Variants in NSMCE2 observed in about 807,000 individuals in gnomAD.
The protein encoded by NSMCE2 is NSE2 SUMO ligase component of SMC5/6 complex, also known as E3 SUMO-protein ligase NSE2.
NSMCE2 carries 24 observed loss-of-function variants against 23.8 expected under a neutral mutation model. That is an observed-to-expected ratio of 1.01 (90% CI 0.73 to 1.42). NSMCE2 has a LOEUF of 1.42. Among genes scored for constraint, NSMCE2 ranks in the 40% most tolerant of loss-of-function variants. NSMCE2 has a pLI of 0.00. For missense variants in NSMCE2, 284 were observed against 296.5 expected (o/e 0.96, Z 0.31); for synonymous variants, 92 against 94.1 (o/e 0.98, Z 0.13).
chr8:125,175,745 C>G (rs1468007590), intron 4 of NSMCE2, among the ~76,000 whole-genome samples: 1 of 152,208 alleles, frequency 6.6e-6, no homozygotes, highest in Non-Finnish European at 1.5e-5. Context: ...GAGACTTTGA[C>G]TTTGCCCCGT....
At chr8:125,313,151 GAAGGAAGGAAAAA>G (rs1471723659) in intron 5 of NSMCE2, among the ~76,000 whole-genome samples, 25 of 142,978 alleles carry the variant, frequency 1.7e-4, no homozygotes, top group African/African-American at 6.0e-4. Context: ...AAGAAAGAAG[GAAGGAAGGAAAAA>G]AAGGAAGGAA....
intron 5 of NSMCE2, among the ~76,000 whole-genome samples, chr8:125,272,961 C>T (rs1186710400): frequency 6.6e-6 from 1 of 151,992 alleles, no homozygotes; most frequent in Non-Finnish European, 1.5e-5. Flanking sequence ...AAACCCCTCC[C>T]AAGAGGGAGC....
intron 4 of NSMCE2, among the ~76,000 whole-genome samples, chr8:125,170,415 T>TTTTTTTTTTTTA (rs1199459816): frequency 7.5e-5 from 7 of 93,118 alleles, no homozygotes; most frequent in East Asian, 3.3e-4. Context: ...TTTTTTTTTT[T>TTTTTTTTTTTTA]AAGACAGAGT....
rs1817677275 is a variant in NSMCE2 at position 125,091,954 on chromosome 8, A to T, written c.-115A>T. The T allele has an allele frequency of 6.6e-6, 1 of 152,428 alleles. No individual in the cohort carries two copies. The highest frequency in any genetic ancestry group is 2.4e-5 in the African/African-American group (1 of 41,432). The allele number at this position is 152,428 out of a possible 1,614,324, so 9.4% of individuals were successfully genotyped here. On this transcript the variant is annotated 5_prime_UTR_variant, in exon 1 of 8. Transcript: ENST00000287437. ...CCACCAGACGGAGACAGCTTGGACT[A>T]CCAGGTAGGGAAGAAGCGGGGGACG...
rs933633376 is a variant in NSMCE2, at chr8:125,131,389, G to A, written c.158-19782G>A. On this transcript the variant is annotated intron_variant, in intron 3 of 7. Transcript: ENST00000287437. ...TAGGTCAGCAATCAGGGTTAAAGAT[G>A]TTCTGCTTTCCGAAGTCAGAATTCA... 5.1e-4 allele frequency among the ~76,000 whole-genome samples: 77 copies of A among 152,282 alleles called. 1 individual carries two copies. Among genetic ancestry groups the A allele is most frequent in the African/African-American group, 1.8e-3 (74 of 41,552 alleles).
chr8:125,284,587 T>C (rs1298235087), intron 5 of NSMCE2, among the ~76,000 whole-genome samples: 4 of 152,240 alleles, frequency 2.6e-5, no homozygotes, highest in African/African-American at 7.2e-5. Flanking sequence ...TTCAAAGATA[T>C]GCCATTCAGA....
intron 5 of NSMCE2, among the ~76,000 whole-genome samples, chr8:125,189,171 C>T (rs957708635): frequency 2.0e-5 from 3 of 152,210 alleles, no homozygotes; most frequent in African/African-American, 7.2e-5. Context: ...AAGGACCTCT[C>T]AGCAAGGCAA....
At chr8:125,111,675 C>T (rs903370326) in intron 3 of NSMCE2, among the ~76,000 whole-genome samples, 5 of 152,080 alleles carry the variant, frequency 3.3e-5, no homozygotes, top group Non-Finnish European at 7.4e-5. Context: ...TGGTGTGTGC[C>T]TATAATCCCA....
intron 5 of NSMCE2, among the ~76,000 whole-genome samples, chr8:125,218,373 A>G (rs913932918): frequency 1.4e-4 from 21 of 151,470 alleles, no homozygotes; most frequent in African/African-American, 4.9e-4. Context: ...AAAACTCCAC[A>G]TGCATTTGGG....
intron 7 of NSMCE2, among the ~76,000 whole-genome samples, chr8:125,360,329 G>T (rs184049645): frequency 1.2e-3 from 184 of 152,236 alleles, no homozygotes; most frequent in African/African-American, 4.3e-3. Context: ...CAGTATAGAC[G>T]AGTCAACCCG....
At chr8:125,249,025 G>A (rs1327912377) in intron 5 of NSMCE2, among the ~76,000 whole-genome samples, 1 of 152,148 alleles carries the variant, frequency 6.6e-6, no homozygotes. Context: ...CAAAAAATTA[G>A]CCGAGTATGG....
chr8:125,182,228 A>G lies in NSMCE2; in HGVS notation c.390A>G (p.Lys130=). The G allele has an allele frequency of 1.2e-6, 2 of 1,607,332 alleles. No homozygotes were observed. ...FQNNEKFVQF[K]QQLKELKKQC... is the part of the protein sequence containing the mutation. ...ATAATGAAAAATTTGTACAGTTTAA[A>G]CAACAGCTGAAAGAACTAAAGAAGC... Residue 130 remains lysine, a synonymous_variant, in exon 5 of 8, where the codon AAA becomes AAG. Transcript: ENST00000287437.
chr8:125,093,932 G>C (rs1002230103), intron 1 of NSMCE2, among the ~76,000 whole-genome samples: 1 of 151,986 alleles, frequency 6.6e-6, no homozygotes, highest in African/African-American at 2.4e-5. Flanking sequence ...GAGGGTCTAG[G>C]ACAATAGGTG....
intron 5 of NSMCE2, among the ~76,000 whole-genome samples, chr8:125,340,160 G>A (rs560256782): frequency 2.0e-5 from 3 of 151,534 alleles, no homozygotes; most frequent in African/African-American, 7.3e-5. Flanking sequence ...GACTACAGGC[G>A]CCCGCCATCA....
chr8:125,256,118 A>G lies in NSMCE2; in HGVS notation c.418+73862A>G, dbSNP rs371754515. 4.1e-4 allele frequency among the ~76,000 whole-genome samples: 62 copies of G among 152,144 alleles called. 1 individual carries two copies. The highest frequency in any genetic ancestry group is 1.6e-3 in the East Asian group (8 of 5,160). Reference sequence around the variant, plus strand: ...CCAACATGGTGAAATCCCTGTCTCTACTAAAAATACAAAAATTAGCTGGGC... The same window carrying G: ...CCAACATGGTGAAATCCCTGTCTCTGCTAAAAATACAAAAATTAGCTGGGC... On this transcript the variant is annotated intron_variant, in intron 5 of 7. Transcript: ENST00000287437.
chr8:125,296,305 T>A (rs866152570), intron 5 of NSMCE2, among the ~76,000 whole-genome samples: 15 of 152,102 alleles, frequency 9.9e-5, no homozygotes, highest in Middle Eastern at 3.4e-3. Flanking sequence ...AGAGAGAGAA[T>A]ATGCATGAAT....
chr8:125,267,185 T>TA (rs1274345252), intron 5 of NSMCE2, among the ~76,000 whole-genome samples: 2 of 151,888 alleles, frequency 1.3e-5, no homozygotes, highest in African/African-American at 4.8e-5. Flanking sequence ...TTTTTGTATT[T>TA]TTAGTAGAGA....
chr8:125,212,813 A>G lies in NSMCE2; in HGVS notation c.418+30557A>G, dbSNP rs148737726. Among the ~76,000 whole-genome samples the G allele has an allele frequency of 2.3e-3, 343 of 152,330 alleles. 2 individuals are homozygous for G. Among genetic ancestry groups the G allele is most frequent in the Non-Finnish European group, 2.8e-3 (191 of 68,018 alleles). ...CTCACTAAGGAGGCAGAGGGTGACT[A>G]GATTTCAGCCCGGGTTCTAATCACC... is the stretch of plus-strand genomic sequence containing the variant. On this transcript the variant is annotated intron_variant, in intron 5 of 7. Coordinates refer to ENST00000287437, the MANE Select transcript of NSMCE2 (RefSeq NM_173685.4).
chr8:125,227,687 C>T (rs1006963885), intron 5 of NSMCE2, among the ~76,000 whole-genome samples: 3 of 152,072 alleles, frequency 2.0e-5, no homozygotes, highest in African/African-American at 7.2e-5. Context: ...CAATCTGTTT[C>T]GAATTACTTT....
Sources: allele counts gnomAD v4.1 joint callset (sites outside exome capture counted in the v4.1 genomes callset), GRCh38; gene constraint gnomAD v4.1.1; transcripts MANE v1.5; gene names NCBI Gene and HGNC (gene_info 2026-07-23, HGNC 2026-07-21).